Variants in LRRIQ1 observed in about 807,000 individuals in gnomAD.
LRRIQ1 encodes the protein leucine-rich repeat- and IQ domain-containing protein 1.
In LRRIQ1, 210 loss-of-function variants were observed where a neutral mutation model predicts 211.9. The observed-to-expected ratio is 0.99, with a 90% CI of 0.89 to 1.11. LRRIQ1 has a LOEUF of 1.11. Among genes scored for constraint, LRRIQ1 ranks in the 50% most tolerant of loss-of-function variants. The pLI, the probability that LRRIQ1 is intolerant of heterozygous loss-of-function variation, is 0.00. For synonymous variants in LRRIQ1, 699 were observed against 650.1 expected, an observed-to-expected ratio of 1.08 and a Z score of -1.14; for missense variants, 2,136 against 1,939.5, an observed-to-expected ratio of 1.10 and a Z score of -1.90.
intron 18 of LRRIQ1, among the ~76,000 whole-genome samples, chr12:85,133,369 T>C (rs191383101): frequency 6.6e-6 from 1 of 152,274 alleles, no homozygotes; most frequent in East Asian, 1.9e-4. Flanking sequence ...TAGCCCCTCC[T>C]GGAGTCTCAA....
At chr12:85,112,867 C>T (rs964836478) in intron 15 of LRRIQ1, among the ~76,000 whole-genome samples, 3 of 152,060 alleles carry the variant, frequency 2.0e-5, no homozygotes, top group South Asian at 2.1e-4. Context: ...CCTGTTCTCC[C>T]GAATGTCTGG....
intron 9 of LRRIQ1, among the ~76,000 whole-genome samples, chr12:85,065,861 C>T (rs952531549): frequency 6.6e-6 from 1 of 151,838 alleles, no homozygotes; most frequent in Non-Finnish European, 1.5e-5. Flanking sequence ...ATGTCTGCTG[C>T]CTTGGCAGGA....
intron 11 of LRRIQ1, among the ~76,000 whole-genome samples, chr12:85,095,582 CTGT>C (rs769221752): frequency 5.3e-5 from 8 of 151,794 alleles, no homozygotes; most frequent in Non-Finnish European, 1.0e-4. Context: ...TTTCCTTTTT[CTGT>C]TGTTGTTCTG....
chr12:85,213,948 A>T (rs1307561789), intron 24 of LRRIQ1, among the ~76,000 whole-genome samples: 1 of 152,046 alleles, frequency 6.6e-6, no homozygotes, highest in Admixed American at 6.6e-5. Context: ...TAGAAAAGGG[A>T]TAGATTGACA....
chr12:85,212,776 TTA>T (rs922940690), intron 24 of LRRIQ1, among the ~76,000 whole-genome samples: 113 of 145,778 alleles, frequency 7.8e-4, no homozygotes, highest in African/African-American at 2.2e-3. Context: ...AATATATATT[TTA>T]TATATATATA....
intron 24 of LRRIQ1, among the ~76,000 whole-genome samples, chr12:85,169,874 A>G (rs906157717): frequency 6.6e-6 from 1 of 152,180 alleles, no homozygotes; most frequent in Non-Finnish European, 1.5e-5. Context: ...CAGTGCCAGT[A>G]GTATATTGGT....
downstream of LRRIQ1, among the ~76,000 whole-genome samples, chr12:85,248,348 C>T (rs1895795597): frequency 6.6e-6 from 1 of 151,530 alleles, no homozygotes; most frequent in Non-Finnish European, 1.5e-5. Flanking sequence ...GATATATCAT[C>T]TTTAATTTTT....
Position 85,239,272 on chromosome 12 carries a change from G to T in LRRIQ1, c.5017-5517G>T, listed in dbSNP as rs144782642. The stretch of plus-strand genomic sequence containing the variant: ...ATGGAAAGGACCTAGAATAGCAAAT[G>T]CAATCTTGAAAAAAGAATAGTAAGA... On this transcript the variant is annotated intron_variant, in intron 26 of 26. Coordinates refer to ENST00000393217, the MANE Select transcript of LRRIQ1 (RefSeq NM_001079910.2). 3.9e-4 allele frequency among the ~76,000 whole-genome samples: 59 copies of T among 150,810 alleles called. 1 individual carries two copies. The highest frequency in any genetic ancestry group is 1.3e-3 in the African/African-American group (53 of 41,018).
At chr12:85,258,236 G>T (rs2137326795) in intron 1 of LRRIQ1, among the ~76,000 whole-genome samples, 1 of 151,238 alleles carries the variant, frequency 6.6e-6, no homozygotes, top group South Asian at 2.1e-4. Flanking sequence ...CAAATACTGT[G>T]GATATTTTTG....
At chr12:85,222,889 G>T (rs868167055) in intron 24 of LRRIQ1, among the ~76,000 whole-genome samples, 2 of 152,096 alleles carry the variant, frequency 1.3e-5, no homozygotes, top group African/African-American at 4.8e-5. Context: ...GCTCACTCAC[G>T]TTCAGAATGG....
At chr12:85,092,256 GAGT>G (rs1885469461) in intron 11 of LRRIQ1, among the ~76,000 whole-genome samples, 2 of 152,182 alleles carry the variant, frequency 1.3e-5, no homozygotes, top group Admixed American at 1.3e-4. Context: ...GGTGTCAAGA[GAGT>G]TGATGTACTT....
intron 8 of LRRIQ1, among the ~76,000 whole-genome samples, chr12:85,061,226 G>A (rs1228369152): frequency 2.0e-5 from 3 of 151,596 alleles, no homozygotes; most frequent in Non-Finnish European, 4.4e-5. Context: ...GAACACATAC[G>A]ATTACTAATT....
chr12:85,047,324 C>G lies in LRRIQ1; in HGVS notation c.532C>G (p.Gln178Glu), dbSNP rs139747623. 136 of 1,610,870 alleles carry G rather than the reference C, an allele frequency of 8.4e-5. No homozygotes were observed. The African/African-American group carries it at 1.5e-3, about 18-fold the overall frequency. The part of the protein sequence containing the change: ...RQSFEAWQEK[Q>E]KELEDKEKQT... ...GTCTTTTGAGGCTTGGCAAGAGAAA[C>G]AGAAGGAATTAGAAGATAAAGAGAA... The change falls in exon 6 of 27, where the codon CAG becomes GAG. Residue 178 changes from glutamine (Q) to glutamate (E), a missense_variant. Transcript: ENST00000393217.
At chr12:85,183,637 A>G (rs1892094688) in intron 24 of LRRIQ1, among the ~76,000 whole-genome samples, 1 of 152,168 alleles carries the variant, frequency 6.6e-6, no homozygotes, top group Non-Finnish European at 1.5e-5. Flanking sequence ...TTTATCCTGT[A>G]TGGAAGTTCA....
intron 16 of LRRIQ1, among the ~76,000 whole-genome samples, chr12:85,123,439 C>T (rs1032006914): frequency 9.2e-5 from 14 of 151,902 alleles, no homozygotes; most frequent in African/African-American, 3.4e-4. Context: ...AGTGAAAAGT[C>T]CTTTACATTT....
intron 6 of LRRIQ1, among the ~76,000 whole-genome samples, chr12:85,049,863 A>AT (rs1354919398): frequency 6.6e-6 from 1 of 152,196 alleles, no homozygotes; most frequent in Non-Finnish European, 1.5e-5. Context: ...GCCAGCAAAA[A>AT]TTTGATGGTT....
At chr12:85,155,685 C>G (rs957153189) in intron 23 of LRRIQ1, among the ~76,000 whole-genome samples, 2 of 151,610 alleles carry the variant, frequency 1.3e-5, no homozygotes. Context: ...GCTAGGCCCA[C>G]TTTTAAAAGT....
chr12:85,109,027 T>A (rs1886981207), intron 15 of LRRIQ1, among the ~76,000 whole-genome samples: 1 of 152,022 alleles, frequency 6.6e-6, no homozygotes, highest in South Asian at 2.1e-4. Context: ...GCTGTTGAAT[T>A]TTTGCCCTGA....
chr12:85,174,694 T>C (rs1324272278), intron 24 of LRRIQ1, among the ~76,000 whole-genome samples: 1 of 20,096 alleles, frequency 5.0e-5, no homozygotes, highest in African/African-American at 9.1e-4. Context: ...AGAGCAAGAG[T>C]ACAGCTCAAA....
Sources: allele counts gnomAD v4.1 joint callset (sites outside exome capture counted in the v4.1 genomes callset), GRCh38; gene constraint gnomAD v4.1.1; transcripts MANE v1.5; gene names NCBI Gene and HGNC (gene_info 2026-07-23, HGNC 2026-07-21).